The following TSBP1 variants were observed in gnomAD, a reference collection of about 807,000 sequenced individuals.
TSBP1 encodes testis expressed basic protein 1.
In TSBP1, 56 loss-of-function variants were observed where a neutral mutation model predicts 68.8. The ratio of observed to expected loss-of-function variants is 0.81; its 90% confidence interval spans 0.66 to 1.02. The LOEUF is 1.02. TSBP1 is among the 50% of genes least tolerant of loss of function. The probability of loss-of-function intolerance (pLI) is 0.00; values close to 1 mark genes in which losing one functional copy is unlikely to be tolerated. For missense variants in TSBP1, 502 were observed against 641.2 expected (o/e 0.78, Z 2.34); for synonymous variants, 171 against 208.7 (o/e 0.82, Z 1.56).
At chr6:32,303,341 A>G (rs2127566034) in intron 19 of TSBP1, among the ~76,000 whole-genome samples, 1 of 151,234 alleles carries the variant, frequency 6.6e-6, no homozygotes, top group Non-Finnish European at 1.5e-5. Flanking sequence ...TGTGTTTTGA[A>G]GCACTGTTGT....
At chr6:32,324,560 A>C (rs575286541) in intron 16 of TSBP1, 1 of 1,486,356 alleles carries the variant, frequency 6.7e-7, no homozygotes, top group Admixed American at 2.0e-5. Context: ...GATATATCTC[A>C]AGCCCTTTGT....
chr6:32,303,371 A>G (rs987979242), intron 19 of TSBP1, among the ~76,000 whole-genome samples: 25 of 151,192 alleles, frequency 1.7e-4, no homozygotes, highest in African/African-American at 6.1e-4. Context: ...ACATATGTAG[A>G]ATTTCTTTGT....
intron 14 of TSBP1, 56 bp from the exon 16 acceptor site, chr6:32,332,110 C>G: frequency 7.4e-7 from 1 of 1,344,080 alleles, no homozygotes; most frequent in South Asian, 1.2e-5. Context: ...GTGTATTTTT[C>G]ACTAATTTTA....
chr6:32,363,970 T>C (rs1253335477), intron 6 of TSBP1, among the ~76,000 whole-genome samples: 1 of 152,176 alleles, frequency 6.6e-6, no homozygotes, highest in Non-Finnish European at 1.5e-5. Flanking sequence ...ATAAAGACTA[T>C]CTCTTTCTCA....
intron 15 of TSBP1, 118 bp from the exon 17 acceptor site, chr6:32,330,727 G>A (rs1322047154): frequency 8.0e-7 from 1 of 1,254,150 alleles, no homozygotes; most frequent in African/African-American, 1.5e-5. Flanking sequence ...CTGGAGTGTG[G>A]TAGGGTGATC....
At position 32,310,761 on chromosome 6, in the gene TSBP1, A is replaced by ATATATATATATATATATATTTTT; in HGVS notation, c.580+5010_580+5011insAAAAATATATATATATATATATA. Among the ~76,000 whole-genome samples, 15 of 144,830 alleles carry ATATATATATATATATATATTTTT rather than the reference A, an allele frequency of 1.0e-4. No individual in the cohort carries two copies. The East Asian group carries it at 2.8e-3, about 27-fold the overall frequency. On this transcript the variant is annotated intron_variant, in intron 19 of 22. Transcript: ENST00000612031. Reference sequence around the variant, plus strand: ...TATATATACATATATATATATATATATTTTTAATCTTTTTAGAAAGGATAG... The same window carrying ATATATATATATATATATATTTTT: ...TATATATACATATATATATATATATATATATATATATATATATATTTTTTTTTTAATCTTTTTAGAAAGGATAG...
chr6:32,360,645 T>TA (rs2127648776), intron 6 of TSBP1, among the ~76,000 whole-genome samples: 1 of 152,338 alleles, frequency 6.6e-6, no homozygotes, highest in East Asian at 1.9e-4. Context: ...ATAATGGCTG[T>TA]ATTACTTTAC....
rs1234739157 is a variant in TSBP1, at chr6:32,299,919, T to C, written c.637+3A>G. On this transcript the variant is annotated splice_donor_region_variant and intron_variant, in intron 22 of 22. Coordinates refer to ENST00000612031, the Ensembl canonical transcript of TSBP1. ...CAGAGTTGAGAATAGATATGGAACT[T>C]ACCCACAGGAGTCAGTGCTAAAAAC... 3 of 1,608,626 alleles carry C rather than the reference T, an allele frequency of 1.9e-6. No homozygotes were observed. Among genetic ancestry groups the C allele is most frequent in the Non-Finnish European group, 2.6e-6 (3 of 1,174,982 alleles).
chr6:32,295,349 C>CAAAAAAAA (rs3038432), intron 22 of TSBP1, among the ~76,000 whole-genome samples: 17 of 90,818 alleles, frequency 1.9e-4, no homozygotes, highest in Non-Finnish European at 2.1e-4. Flanking sequence ...CACACACACA[C>CAAAAAAAA]AAAAAAAAAA....
chr6:32,309,586 C>A (rs376825991), intron 19 of TSBP1, among the ~76,000 whole-genome samples: 5,989 of 98,868 alleles, frequency 0.061, 338 homozygotes, highest in African/African-American at 0.18. Context: ...CTGTTGTATT[C>A]TTTTTAAAAT....
rs1766749207 is a variant in TSBP1 at position 32,314,528 on chromosome 6, C to G, written c.580+1244G>C. 6.6e-6 allele frequency among the ~76,000 whole-genome samples: 1 copy of G among 152,210 alleles called. No individual in the cohort carries two copies. The highest frequency in any genetic ancestry group is 2.1e-4 in the South Asian group (1 of 4,834). ...TCAACCACTGAGTATGTATTTTCAT[C>G]TGTGCAGTGAGAATACTTAGCTGAT... is the stretch of plus-strand genomic sequence containing the variant. On this transcript the variant is annotated intron_variant, in intron 19 of 22. Coordinates refer to ENST00000612031, the Ensembl canonical transcript of TSBP1. The surrounding 1 kb of genome is among the most constrained non-coding windows in gnomAD (Gnocchi z 4.2).
At chr6:32,327,219 G>A (rs1768323676) in intron 16 of TSBP1, among the ~76,000 whole-genome samples, 1 of 152,182 alleles carries the variant, frequency 6.6e-6, no homozygotes, top group Non-Finnish European at 1.5e-5. Flanking sequence ...TGAGCAGAGA[G>A]GAAAAGTATG....
At position 32,314,046 on chromosome 6, in the gene TSBP1, TG is replaced by T. The variant is rs9279578; in HGVS notation, c.580+1725del. 0.21 allele frequency among the ~76,000 whole-genome samples: 31,971 copies of T among 152,084 alleles called. 3,543 individuals are homozygous for T. The highest frequency in any genetic ancestry group is 0.22 in the East Asian group (1,153 of 5,182). On this transcript the variant is annotated intron_variant, in intron 19 of 22. Coordinates refer to ENST00000612031, the Ensembl canonical transcript of TSBP1. The surrounding 1 kb of genome is among the most constrained non-coding windows in gnomAD (Gnocchi z 4.2). ...GTTCCTGAGGCAAAGCTGCTACCTC[TG>T]TTTCCTCATCCCCTCACCATTCCTC...
rs751978048 is a variant in TSBP1 at position 32,367,966 on chromosome 6, A to C, written c.134-9T>G. 1 of 1,605,818 alleles carries C rather than the reference A, an allele frequency of 6.2e-7. No individual in the cohort carries two copies. The highest frequency in any genetic ancestry group is 1.7e-5 in the Admixed American group (1 of 59,182). Reference sequence around the variant, plus strand: ...GTCCAGAAGTCTAGCACCTAGAAAAAAAGGGAGAGCACATGATTTTGCTTC... The same window carrying C: ...GTCCAGAAGTCTAGCACCTAGAAAACAAGGGAGAGCACATGATTTTGCTTC... On this transcript the variant is annotated splice_polypyrimidine_tract_variant and intron_variant, in intron 3 of 22. Coordinates refer to ENST00000612031, the Ensembl canonical transcript of TSBP1.
intron 20 of TSBP1, among the ~76,000 whole-genome samples, chr6:32,301,288 C>G (rs1468517390): frequency 6.6e-6 from 1 of 152,100 alleles, no homozygotes; most frequent in Non-Finnish European, 1.5e-5. Context: ...TTTGGCTTCT[C>G]AAAGTGCTGG....
At chr6:32,323,653 C>T (rs779054935) in intron 16 of TSBP1, 39 bp from the exon 18 acceptor site, 16 of 1,603,592 alleles carry the variant, frequency 1.0e-5, no homozygotes, top group Non-Finnish European at 1.4e-5. Context: ...TGTTTTTTCT[C>T]CCATGATATT....
At chr6:32,322,714 C>T (rs369888692) in intron 18 of TSBP1, among the ~76,000 whole-genome samples, 2 of 152,084 alleles carry the variant, frequency 1.3e-5, no homozygotes, top group Admixed American at 6.6e-5. Context: ...GATGTAATGA[C>T]GAAGTCAAAG....
At chr6:32,311,507 G>A (rs9268201) in intron 19 of TSBP1, among the ~76,000 whole-genome samples, 37,959 of 151,928 alleles carry the variant, frequency 0.25, 5,114 homozygotes, top group African/African-American at 0.33. Context: ...AGCATTGCCA[G>A]CTCCATAATT....
At position 32,343,824 on chromosome 6, in the gene TSBP1, C is replaced by T. The variant is rs1770653147; in HGVS notation, c.350-4186G>A. ...TTTCTTTAACGTACTGACCATCTTC[C>T]CTCTCCAACATTTTGTTTCTGTTCT... On this transcript the variant is annotated intron_variant, in intron 9 of 22. Coordinates refer to ENST00000612031, the Ensembl canonical transcript of TSBP1. The surrounding 1 kb of genome is among the most constrained non-coding windows in gnomAD (Gnocchi z 4.3). Among the ~76,000 whole-genome samples, 1 of 152,038 alleles carries T rather than the reference C, an allele frequency of 6.6e-6. No homozygotes were observed. The highest frequency in any genetic ancestry group is 1.5e-5 in the Non-Finnish European group (1 of 68,016).
Sources: gnomAD v4.1 joint callset for allele counts (sites outside exome capture counted in the v4.1 genomes callset) on GRCh38, gnomAD v4.1.1 for gene constraint, Gnocchi (gnomAD v3.1) non-coding constraint, MANE v1.5 for transcripts, NCBI Gene and HGNC (gene_info 2026-07-23, HGNC 2026-07-21) for gene names.